Variants in ALDH1L1 observed in about 807,000 individuals in gnomAD.
ALDH1L1 encodes cytosolic 10-formyltetrahydrofolate dehydrogenase.
A neutral mutation model predicts 101.1 loss-of-function variants in ALDH1L1; 68 were observed. That is an observed-to-expected ratio of 0.67 (90% confidence interval 0.55 to 0.82). The LOEUF is 0.82. ALDH1L1 is among the 40% of genes least tolerant of loss of function. The probability of loss-of-function intolerance (pLI) is 0.00; values close to 1 mark genes in which losing one functional copy is unlikely to be tolerated. For synonymous variants in ALDH1L1, 486 were observed against 470.8 expected (o/e 1.03, Z -0.42); for missense variants, 1,087 against 1,172.7 (o/e 0.93, Z 1.07).
chr3:126,151,895 G>A (rs2080813824), intron 7 of ALDH1L1: 1 of 159,294 alleles, frequency 6.3e-6, no homozygotes, highest in Non-Finnish European at 1.5e-5. Context: ...ACCACCTCTG[G>A]ACAGTGGACA....
At chr3:126,117,074 T>A (rs1167404241) in intron 17 of ALDH1L1, among the ~76,000 whole-genome samples, 2 of 151,842 alleles carry the variant, frequency 1.3e-5, no homozygotes, top group Non-Finnish European at 1.5e-5. Context: ...CAAAACCCCA[T>A]CTCTACAAAA....
chr3:126,105,447 G>A, intron 22 of ALDH1L1: 2 of 464,060 alleles, frequency 4.3e-6, no homozygotes, highest in Non-Finnish European at 8.0e-6. Flanking sequence ...GGTCTGGGTA[G>A]CACAGGTGCC....
intron 12 of ALDH1L1, among the ~76,000 whole-genome samples, chr3:126,134,107 C>T (rs1338651367): frequency 1.3e-5 from 2 of 152,132 alleles, no homozygotes; most frequent in Non-Finnish European, 2.9e-5. Context: ...TGACAGGGTG[C>T]TCTGCAGCCA....
rs527470401 is a variant in ALDH1L1, at chr3:126,173,465, G to GC, written c.-24+7010dup. ...AACAACAAAAAAGTAAAACTGATAT[G>GC]CTAAGAGAGAAAAGAAAATGGAATC... On this transcript the variant is annotated intron_variant, in intron 1 of 22. Coordinates refer to ENST00000393434, the MANE Select transcript of ALDH1L1 (RefSeq NM_012190.4). Among the ~76,000 whole-genome samples the GC allele has an allele frequency of 4.2e-3, 646 of 152,156 alleles. 4 individuals carry two copies. Among genetic ancestry groups the GC allele is most frequent in the African/African-American group, 0.015 (615 of 41,514 alleles).
chr3:126,125,810 G>T, intron 14 of ALDH1L1, 89 bp from the exon 15 acceptor site: 1 of 942,356 alleles, frequency 1.1e-6, no homozygotes, highest in Non-Finnish European at 1.5e-6. Flanking sequence ...CCCAGGGCCT[G>T]ACATCCACTC....
chr3:126,190,752 G>T (rs1197635977), intron 1 of ALDH1L1, among the ~76,000 whole-genome samples: 1 of 152,190 alleles, frequency 6.6e-6, no homozygotes, highest in African/African-American at 2.4e-5. Context: ...TGGCAGAAAG[G>T]AGTTCATTTA....
intron 9 of ALDH1L1, among the ~76,000 whole-genome samples, chr3:126,145,254 T>C (rs72967741): frequency 0.048 from 7,255 of 152,216 alleles, 499 homozygotes; most frequent in African/African-American, 0.15. Flanking sequence ...TTGTGCACTG[T>C]TGGTGGGAAT....
chr3:126,147,000 C>T, intron 8 of ALDH1L1, 74 bp from the exon 9 acceptor site: 2 of 1,407,564 alleles, frequency 1.4e-6, no homozygotes, highest in Non-Finnish European at 2.0e-6. Flanking sequence ...ACAACAACCC[C>T]TGAACAGACT....
At chr3:126,174,739 A>T (rs1342560397) in intron 1 of ALDH1L1, among the ~76,000 whole-genome samples, 1 of 152,204 alleles carries the variant, frequency 6.6e-6, no homozygotes, top group African/African-American at 2.4e-5. Context: ...AATTTATGGG[A>T]TGCTGCTAAA....
intron 1 of ALDH1L1, among the ~76,000 whole-genome samples, chr3:126,188,703 C>T (rs945140708): frequency 6.6e-6 from 1 of 152,142 alleles, no homozygotes; most frequent in Admixed American, 6.5e-5. Context: ...GGATTTTTGT[C>T]ATTCCAATAA....
upstream of ALDH1L1, chr3:126,180,672 G>A (rs1044639201): frequency 3.8e-5 from 51 of 1,350,828 alleles, no homozygotes; most frequent in East Asian, 1.1e-3. Flanking sequence ...GAGTGGGGGC[G>A]GCGCTCACCG....
At chr3:126,124,272 G>A in intron 16 of ALDH1L1, 92 bp downstream of exon 16, 2 of 1,170,770 alleles carry the variant, frequency 1.7e-6, no homozygotes, top group Non-Finnish European at 2.4e-6. Flanking sequence ...AGGCTACTCT[G>A]CCCTCACGCC....
chr3:126,117,022 T>A (rs1028070147), intron 17 of ALDH1L1, among the ~76,000 whole-genome samples: 1 of 152,182 alleles, frequency 6.6e-6, no homozygotes, highest in South Asian at 2.1e-4. Flanking sequence ...TTTTTGATGG[T>A]AGCCACATTA....
chr3:126,131,070 T>C (rs370675718), intron 13 of ALDH1L1, among the ~76,000 whole-genome samples: 1 of 152,338 alleles, frequency 6.6e-6, no homozygotes. Flanking sequence ...GCCTCAGCCC[T>C]GCATCCACAC....
At chr3:126,171,765 T>A (rs2081282131) in intron 1 of ALDH1L1, among the ~76,000 whole-genome samples, 1 of 152,130 alleles carries the variant, frequency 6.6e-6, no homozygotes, top group Admixed American at 6.5e-5. Flanking sequence ...ATCCAGCCCC[T>A]CTAGCCTTTC....
chr3:126,181,065 A>T, upstream of ALDH1L1: 1 of 1,517,434 alleles, frequency 6.6e-7, no homozygotes, highest in African/African-American at 1.4e-5. Context: ...ATCCGGGTGG[A>T]TAGCGGCGCT....
In ALDH1L1 at chr3:126,164,348, G is replaced by C. The variant is rs1453257565; in HGVS notation, c.-23-3346C>G. 2.6e-5 allele frequency among the ~76,000 whole-genome samples: 4 copies of C among 152,194 alleles called. No homozygotes were observed. In the East Asian group the frequency reaches 7.7e-4, roughly 29 times the overall value. On this transcript the variant is annotated intron_variant, in intron 1 of 22. Coordinates refer to ENST00000393434, the MANE Select transcript of ALDH1L1 (RefSeq NM_012190.4). ...ATATTGCACCCAGGTAGTAAGCACA[G>C]TACCCAACGGAGTTTTTTCAACCCA...
chr3:126,140,644 T>C (rs997583140), intron 9 of ALDH1L1, among the ~76,000 whole-genome samples: 1 of 152,048 alleles, frequency 6.6e-6, no homozygotes, highest in African/African-American at 2.4e-5. Context: ...ACAGTAACAC[T>C]ATAAAGGGGA....
rs1428069131 is a variant in ALDH1L1 at position 126,150,320 on chromosome 3, C to T, written c.984+86G>A. 10 of 1,494,636 alleles carry T rather than the reference C, an allele frequency of 6.7e-6. No homozygotes were observed. The South Asian group carries it at 1.3e-4, about 19-fold the overall frequency. The allele number at this position is 1,494,636 out of a possible 1,614,324, so 92.6% of individuals were successfully genotyped here. A position where few individuals can be genotyped will look rare whatever the true frequency, so the allele number is the denominator to read the frequency against. On this transcript the variant is annotated intron_variant, in intron 8 of 22. Coordinates refer to ENST00000393434, the MANE Select transcript of ALDH1L1 (RefSeq NM_012190.4). ...AGACACCCACAGAGGGCTGGCGCTG[C>T]CCAACTCTGGGGAGTGTGATTTGCA...
Sources: allele counts gnomAD v4.1 joint callset (sites outside exome capture counted in the v4.1 genomes callset), GRCh38; gene constraint gnomAD v4.1.1; transcripts MANE v1.5; gene names NCBI Gene and HGNC (gene_info 2026-07-23, HGNC 2026-07-21).